Variants in LMF1 observed in about 807,000 individuals in gnomAD.
The protein encoded by LMF1 is lipase maturation factor 1.
In LMF1, 68 loss-of-function variants were observed where a neutral mutation model predicts 60.6. The ratio of observed to expected loss-of-function variants is 1.12; its 90% CI spans 0.92 to 1.37. The LOEUF (loss-of-function observed/expected upper bound fraction) is 1.37. Ranked by LOEUF, LMF1 falls within the 40% of genes most tolerant of loss-of-function variation. LMF1 has a pLI of 0.00. For missense variants in LMF1, 948 were observed against 767.2 expected, an observed-to-expected ratio of 1.24 and a Z score of -2.78; for synonymous variants, 418 against 324.7, an observed-to-expected ratio of 1.29 and a Z score of -3.09.
At chr16:969,372 C>G (rs72769440) in intron 1 of LMF1, among the ~76,000 whole-genome samples, 2 of 152,100 alleles carry the variant, frequency 1.3e-5, no homozygotes, top group Admixed American at 6.5e-5. Flanking sequence ...GAGAGAGACA[C>G]AGACCCAGTT....
chr16:897,883 A>G lies in LMF1; in HGVS notation c.664-4811T>C, dbSNP rs2070707730. Among the ~76,000 whole-genome samples the G allele has an allele frequency of 6.6e-6, 1 of 152,210 alleles. No homozygotes were observed. The highest frequency in any genetic ancestry group is 2.4e-5 in the African/African-American group (1 of 41,462). On this transcript the variant is annotated intron_variant, in intron 4 of 10. Coordinates refer to ENST00000262301, the MANE Select transcript of LMF1 (RefSeq NM_022773.4). This position sits in a 1 kb window ranked among gnomAD's most constrained non-coding sequence, Gnocchi z 4.3. ...TGCCCTCATGCAAGAGAGAACTGGC[A>G]TGGGAGGTGGGCTCCGCCCCCGAGT...
At chr16:925,965 C>T (rs1053157450) in intron 3 of LMF1, among the ~76,000 whole-genome samples, 11 of 151,852 alleles carry the variant, frequency 7.2e-5, no homozygotes, top group African/African-American at 2.4e-4. Context: ...CACGTGTGCA[C>T]GTTTGCATAT....
chr16:894,361 TC>T (rs2070599034), intron 4 of LMF1, among the ~76,000 whole-genome samples: 1 of 132,950 alleles, frequency 7.5e-6, no homozygotes, highest in African/African-American at 2.9e-5. Flanking sequence ...CGCCCACCTG[TC>T]CCCCCGTCCA....
chr16:858,361 G>T (rs1382499136), intron 10 of LMF1, among the ~76,000 whole-genome samples: 1 of 41,034 alleles, frequency 2.4e-5, no homozygotes, highest in Admixed American at 2.1e-4. Context: ...GTGTGCAGTG[G>T]TGTCTCGGGA....
chr16:944,229 T>A (rs1219311300), intron 2 of LMF1, among the ~76,000 whole-genome samples: 1 of 150,338 alleles, frequency 6.7e-6, no homozygotes, highest in Non-Finnish European at 1.5e-5. Context: ...ACCACTAAGG[T>A]CACCACTCCC....
chr16:931,700 C>T (rs752372769), intron 3 of LMF1: 17 of 1,287,062 alleles, frequency 1.3e-5, no homozygotes, highest in Admixed American at 6.9e-5. Context: ...AGTTCAAAGA[C>T]GCATGGCTGC....
intron 3 of LMF1, among the ~76,000 whole-genome samples, chr16:924,085 T>G (rs1393562995): frequency 6.6e-6 from 1 of 151,902 alleles, no homozygotes; most frequent in East Asian, 1.9e-4. Flanking sequence ...ATTTACAGAG[T>G]CAAAATAATG....
intron 5 of LMF1, among the ~76,000 whole-genome samples, chr16:890,281 C>CA (rs2151728258): frequency 6.6e-6 from 1 of 152,340 alleles, no homozygotes; most frequent in African/African-American, 2.4e-5. Flanking sequence ...CCTGGAGCCC[C>CA]AAGGGGCCCC....
intron 4 of LMF1, among the ~76,000 whole-genome samples, chr16:907,261 C>T (rs554003775): frequency 7.2e-5 from 11 of 152,026 alleles, no homozygotes; most frequent in African/African-American, 1.9e-4. Flanking sequence ...ATCAGCCAGG[C>T]GTGATGGCAG....
intron 2 of LMF1, among the ~76,000 whole-genome samples, chr16:944,985 G>C (rs529855370): frequency 2.0e-5 from 3 of 149,598 alleles, no homozygotes; most frequent in South Asian, 2.1e-4. Flanking sequence ...AGGCCAAGGC[G>C]GGTGGATCAC....
At chr16:877,102 A>G (rs1446013473) in intron 6 of LMF1, among the ~76,000 whole-genome samples, 5 of 152,196 alleles carry the variant, frequency 3.3e-5, no homozygotes, top group African/African-American at 9.6e-5. Context: ...GAGGTCAGGC[A>G]GGAGGAGTGC....
At chr16:895,696 CGA>C (rs987373251) in intron 4 of LMF1, among the ~76,000 whole-genome samples, 1 of 152,146 alleles carries the variant, frequency 6.6e-6, no homozygotes, top group Non-Finnish European at 1.5e-5. Context: ...TGACCGATGC[CGA>C]GAGGGACACG....
intron 5 of LMF1, among the ~76,000 whole-genome samples, chr16:888,926 C>A (rs375281437): frequency 1.3e-5 from 2 of 152,324 alleles, no homozygotes; most frequent in East Asian, 1.9e-4. Flanking sequence ...TGCATCCCCC[C>A]TCTCCTGTGC....
chr16:858,247 A>T (rs148937296), intron 10 of LMF1, among the ~76,000 whole-genome samples: 6 of 532 alleles, frequency 0.011, no homozygotes, highest in Admixed American at 0.053. Context: ...GAGTGGTGTC[A>T]CGGGATGGGT....
chr16:895,679 G>A (rs1454474063), intron 4 of LMF1, among the ~76,000 whole-genome samples: 2 of 152,162 alleles, frequency 1.3e-5, no homozygotes, highest in African/African-American at 4.8e-5. Context: ...ACGGCACGTG[G>A]CTCAAGTGAC....
chr16:855,501 G>C (rs904410683), intron 10 of LMF1: 2 of 358,062 alleles, frequency 5.6e-6, no homozygotes, highest in Non-Finnish European at 5.5e-6. Context: ...CCTGGGGGTG[G>C]GACGAAGCCC....
At chr16:861,470 A>C (rs776925487) in intron 10 of LMF1, among the ~76,000 whole-genome samples, 1 of 145,516 alleles carries the variant, frequency 6.9e-6, no homozygotes, top group Admixed American at 7.2e-5. Context: ...CAATTCTCCT[A>C]CCTCAGCCTC....
chr16:932,589 T>C (rs1258229073), intron 3 of LMF1, among the ~76,000 whole-genome samples: 1 of 152,166 alleles, frequency 6.6e-6, no homozygotes, highest in East Asian at 1.9e-4. Flanking sequence ...CAATTTTAAT[T>C]AAAAAAATTT....
rs956856401 is a variant in LMF1, at chr16:878,942, C to T, written c.897+628G>A. Reference sequence around the variant, plus strand: ...TTGGGAATTGACAGTCGGAATGTAGCGTTTACAGGGAAAAGCAAAGGCTCG... The same window carrying T: ...TTGGGAATTGACAGTCGGAATGTAGTGTTTACAGGGAAAAGCAAAGGCTCG... On this transcript the variant is annotated intron_variant, in intron 6 of 10. Coordinates refer to ENST00000262301, the MANE Select transcript of LMF1 (RefSeq NM_022773.4). The surrounding 1 kb of genome is among the most constrained non-coding windows in gnomAD (Gnocchi z 5.2). 2.6e-5 allele frequency among the ~76,000 whole-genome samples: 4 copies of T among 152,294 alleles called. No homozygotes were observed. The highest frequency in any genetic ancestry group is 3.4e-3 in the Middle Eastern group (1 of 294).
Sources: allele counts gnomAD v4.1 joint callset (sites outside exome capture counted in the v4.1 genomes callset), GRCh38; gene constraint gnomAD v4.1.1; non-coding constraint Gnocchi (gnomAD v3.1); transcripts MANE v1.5; gene names NCBI Gene and HGNC (gene_info 2026-07-23, HGNC 2026-07-21).